The following IKZF2 variants were observed in gnomAD, a reference collection of about 807,000 sequenced individuals.
IKZF2 encodes the protein zinc finger protein Helios.
A neutral mutation model predicts 49.2 loss-of-function variants in IKZF2; 15 were observed. The ratio of observed to expected loss-of-function variants is 0.30; its 90% CI spans 0.20 to 0.47. The LOEUF is 0.47. Ranked by LOEUF, IKZF2 falls within the 20% of genes least tolerant of loss-of-function variation. The pLI, the probability that IKZF2 is intolerant of heterozygous loss-of-function variation, is 1.00. For synonymous variants in IKZF2, 227 were observed against 221.4 expected, an observed-to-expected ratio of 1.03 and a Z score of -0.23; for missense variants, 567 against 664.6, an observed-to-expected ratio of 0.85 and a Z score of 1.61.
chr2:213,074,324 G>A (rs942557365), intron 4 of IKZF2, among the ~76,000 whole-genome samples: 4 of 152,090 alleles, frequency 2.6e-5, no homozygotes, highest in Admixed American at 2.6e-4. Context: ...TCATACCTAG[G>A]CCGTATGGTA....
chr2:213,127,550 GTTTGTAATTGTCATATTT>G (rs1435690027), intron 4 of IKZF2, among the ~76,000 whole-genome samples: 20 of 152,266 alleles, frequency 1.3e-4, no homozygotes, highest in Admixed American at 6.5e-5. Context: ...GATCAATTAA[GTTTGTAATTGTCATATTT>G]TCCAGCTGTA....
chr2:213,042,386 T>C (rs1699748415), intron 6 of IKZF2, among the ~76,000 whole-genome samples: 1 of 152,166 alleles, frequency 6.6e-6, no homozygotes, highest in African/African-American at 2.4e-5. Context: ...TACTAATGGA[T>C]AACCAAAAAC....
At chr2:213,089,271 C>T (rs1705025702) in intron 4 of IKZF2, among the ~76,000 whole-genome samples, 1 of 152,172 alleles carries the variant, frequency 6.6e-6, no homozygotes, top group African/African-American at 2.4e-5. Flanking sequence ...AAGACCACTT[C>T]TCACCACCCC....
intron 4 of IKZF2, among the ~76,000 whole-genome samples, chr2:213,142,354 T>C (rs561495113): frequency 8.5e-5 from 13 of 152,098 alleles, no homozygotes; most frequent in Non-Finnish European, 1.8e-4. Context: ...TCCCTATCTT[T>C]CTTCCCTGGA....
chr2:213,051,817 G>A (rs1025091223), intron 5 of IKZF2, among the ~76,000 whole-genome samples: 2 of 151,822 alleles, frequency 1.3e-5, no homozygotes, highest in African/African-American at 4.8e-5. Flanking sequence ...ATATGTCTAC[G>A]TAAGGTTTCC....
At chr2:213,022,724 G>C (rs1006652565) in intron 6 of IKZF2, among the ~76,000 whole-genome samples, 5 of 152,078 alleles carry the variant, frequency 3.3e-5, no homozygotes, top group Non-Finnish European at 7.4e-5. Flanking sequence ...TGGCAGGTAA[G>C]TATATTCTCC....
At chr2:213,081,268 GA>G (rs547016658) in intron 4 of IKZF2, 1,472 of 129,928 alleles carry the variant, frequency 0.011, 14 homozygotes, top group Middle Eastern at 0.078. Context: ...CAGAACAGAA[GA>G]AAAAAAAAAA....
chr2:213,036,024 CATAATTTTTAAAGTACTCTCACAAAT>C (rs1261133143), intron 6 of IKZF2, among the ~76,000 whole-genome samples: 2 of 152,032 alleles, frequency 1.3e-5, no homozygotes, highest in Non-Finnish European at 2.9e-5. Flanking sequence ...TATATCAGAT[CATAATTTTTAAAGTACTCTCACAAAT>C]ATAATTTATA....
intron 6 of IKZF2, among the ~76,000 whole-genome samples, chr2:213,025,777 T>C (rs1697753427): frequency 6.6e-6 from 1 of 152,128 alleles, no homozygotes. Flanking sequence ...CCTTCTTTGC[T>C]AGTGTTACCA....
At chr2:213,147,983 A>C (rs1483199213) in intron 3 of IKZF2, among the ~76,000 whole-genome samples, 171 bp from the exon 4 acceptor site, 6 of 151,894 alleles carry the variant, frequency 4.0e-5, no homozygotes, top group Non-Finnish European at 8.8e-5. Context: ...AGTTGAATGA[A>C]ATGATGAGAA....
chr2:213,087,446 T>C (rs1337355396), intron 4 of IKZF2, among the ~76,000 whole-genome samples: 2 of 152,212 alleles, frequency 1.3e-5, no homozygotes, highest in Non-Finnish European at 2.9e-5. Flanking sequence ...TTTACATTAG[T>C]GTGTGTGTAT....
At chr2:213,112,414 T>C (rs1275360639) in intron 4 of IKZF2, among the ~76,000 whole-genome samples, 3 of 149,586 alleles carry the variant, frequency 2.0e-5, no homozygotes, top group African/African-American at 5.0e-5. Context: ...TTAATGTTTA[T>C]GAAAATGGCT....
intron 2 of IKZF2, 26 bp downstream of exon 2, chr2:213,150,118 G>A: frequency 8.0e-7 from 1 of 1,244,242 alleles, no homozygotes; most frequent in South Asian, 1.3e-5. Flanking sequence ...AAAGAAAAAG[G>A]AGAAAGAGAA....
intron 6 of IKZF2, among the ~76,000 whole-genome samples, chr2:213,041,326 T>G (rs1287020798): frequency 4.3e-5 from 6 of 140,750 alleles, no homozygotes; most frequent in African/African-American, 1.5e-4. Context: ...ATAACTTGAC[T>G]GTAATCTTTT....
chr2:213,104,365 C>T (rs2059452332), intron 4 of IKZF2, among the ~76,000 whole-genome samples: 1 of 152,094 alleles, frequency 6.6e-6, no homozygotes, highest in Non-Finnish European at 1.5e-5. Context: ...AAACTTGTTG[C>T]TAGTCCTGTC....
chr2:213,021,417 A>T (rs2125106826), intron 7 of IKZF2: 1 of 162,660 alleles, frequency 6.1e-6, no homozygotes, highest in East Asian at 1.9e-4. Context: ...TTAACTTTTC[A>T]GGAACAGAGA....
intron 4 of IKZF2, among the ~76,000 whole-genome samples, chr2:213,146,491 A>C (rs1210860293): frequency 1.3e-5 from 2 of 152,084 alleles, no homozygotes; most frequent in Non-Finnish European, 1.5e-5. Context: ...TAAATAAAGC[A>C]AATTCAAACT....
At chr2:213,067,299 T>C (rs552312539) in intron 4 of IKZF2, among the ~76,000 whole-genome samples, 239 of 152,126 alleles carry the variant, frequency 1.6e-3, no homozygotes, top group Middle Eastern at 6.8e-3. Context: ...GTTTACTACA[T>C]GGAAGTACAG....
intron 7 of IKZF2, among the ~76,000 whole-genome samples, chr2:213,017,217 T>G (rs1696707552): frequency 6.6e-6 from 1 of 152,134 alleles, no homozygotes; most frequent in African/African-American, 2.4e-5. Flanking sequence ...GATGTCTCAC[T>G]CTGTACTTAT....
Sources: gnomAD v4.1 joint callset for allele counts (sites outside exome capture counted in the v4.1 genomes callset) on GRCh38, gnomAD v4.1.1 for gene constraint, MANE v1.5 for transcripts, NCBI Gene and HGNC (gene_info 2026-07-23, HGNC 2026-07-21) for gene names.